The following HTR2C variants were observed in gnomAD, a reference collection of about 807,000 sequenced individuals.
HTR2C encodes 5-hydroxytryptamine (serotonin) receptor 2C, G protein-coupled.
HTR2C carries 5 observed loss-of-function variants against 21.0 expected under a neutral mutation model. The ratio of observed to expected loss-of-function variants is 0.24; its 90% CI spans 0.12 to 0.50. HTR2C has a LOEUF of 0.50. HTR2C is among the 20% of genes least tolerant of loss of function. The pLI is 0.98. For missense variants in HTR2C, 271 were observed against 371.2 expected (o/e 0.73, Z 2.22); for synonymous variants, 150 against 145.3 (o/e 1.03, Z -0.23).
At chrX:114,663,593 T>C (rs992316814) in intron 2 of HTR2C, among the ~76,000 whole-genome samples, 1 of 111,741 alleles carries the variant, frequency 8.9e-6, no homozygotes, top group Admixed American at 9.5e-5. Flanking sequence ...ACTTTTGTTT[T>C]TGGTGGATTG....
chrX:114,716,224 A>T (rs1312985480), intron 2 of HTR2C, among the ~76,000 whole-genome samples: 4 of 113,034 alleles, frequency 3.5e-5, no homozygotes, highest in Non-Finnish European at 7.5e-5. Flanking sequence ...TGTTACTACC[A>T]TCATAGAGTG....
chrX:114,748,762 AT>A, intron 4 of HTR2C, among the ~76,000 whole-genome samples: 1 of 112,239 alleles, frequency 8.9e-6, no homozygotes, highest in African/African-American at 3.2e-5. Flanking sequence ...TAAATTTAAA[AT>A]GCAAAACTAC....
chrX:114,703,479 G>A (rs1445765226), intron 2 of HTR2C, among the ~76,000 whole-genome samples: 1 of 110,776 alleles, frequency 9.0e-6, no homozygotes, highest in Non-Finnish European at 1.9e-5. Context: ...ATAAGGAAAT[G>A]AAGGCAGACA....
chrX:114,740,263 A>G (rs1401316322), intron 4 of HTR2C, among the ~76,000 whole-genome samples: 1 of 110,079 alleles, frequency 9.1e-6, no homozygotes, highest in Non-Finnish European at 1.9e-5. Flanking sequence ...AAATGACACC[A>G]TGATACCATT....
rs372094570 is a variant in HTR2C, at chrX:114,691,583, T to C, written c.-79-35275T>C. On this transcript the variant is annotated intron_variant, in intron 2 of 5. Coordinates refer to ENST00000276198, the MANE Select transcript of HTR2C (RefSeq NM_000868.4). ...TTAATTCTGTGTATATTCTCTACAA[T>C]GTCTTAACTACTCAATAGTTTCTTC... 2.8e-4 allele frequency among the ~76,000 whole-genome samples: 31 copies of C among 111,994 alleles called. No individual in the cohort carries two copies. In the East Asian group the frequency reaches 6.7e-3, roughly 24 times the overall value.
intron 1 of HTR2C, among the ~76,000 whole-genome samples, chrX:114,603,500 GA>G (rs1305807458): frequency 1.3e-4 from 14 of 106,256 alleles, no homozygotes. Context: ...CCATGCCTAG[GA>G]AGGAAAGGAG....
chrX:114,807,308 A>ATATATATACCATGTATATACG, intron 4 of HTR2C, among the ~76,000 whole-genome samples: 1 of 80,165 alleles, frequency 1.2e-5, no homozygotes, highest in African/African-American at 5.0e-5. Flanking sequence ...ATGTATATAC[A>ATATATATACCATGTATATACG]CCATATATCT....
At chrX:114,886,514 T>C (rs1556481529) in intron 5 of HTR2C, among the ~76,000 whole-genome samples, 2 of 110,819 alleles carry the variant, frequency 1.8e-5, no homozygotes, top group Non-Finnish European at 1.9e-5. Flanking sequence ...GTTATTTCTT[T>C]AGTGGCAACT....
At chrX:114,634,382 A>AGT (rs1402186189) in intron 2 of HTR2C, among the ~76,000 whole-genome samples, 3 of 111,988 alleles carry the variant, frequency 2.7e-5, no homozygotes, top group Non-Finnish European at 5.6e-5. Flanking sequence ...CAAGACAATA[A>AGT]GTGAAAATTT....
intron 4 of HTR2C, among the ~76,000 whole-genome samples, chrX:114,808,740 T>C (rs2070503265): frequency 8.9e-6 from 1 of 111,976 alleles, no homozygotes; most frequent in Non-Finnish European, 1.9e-5. Flanking sequence ...CCTTTTTGTA[T>C]GACTGTTTGC....
intron 2 of HTR2C, among the ~76,000 whole-genome samples, chrX:114,702,685 G>A (rs1239229321): frequency 9.1e-6 from 1 of 110,166 alleles, no homozygotes; most frequent in African/African-American, 3.3e-5. Flanking sequence ...ACATCATAAT[G>A]ATGGGATCAA....
intron 2 of HTR2C, among the ~76,000 whole-genome samples, chrX:114,685,187 A>C (rs1381964716): frequency 7.2e-5 from 8 of 111,792 alleles, no homozygotes; most frequent in African/African-American, 2.6e-4. Flanking sequence ...AATAAATTCC[A>C]CTATAATGTA....
At chrX:114,771,625 G>A (rs187013389) in intron 4 of HTR2C, among the ~76,000 whole-genome samples, 1 of 111,976 alleles carries the variant, frequency 8.9e-6, no homozygotes, top group Admixed American at 9.5e-5. Context: ...CATTTGTGCA[G>A]CCTTTTAGAT....
intron 2 of HTR2C, among the ~76,000 whole-genome samples, chrX:114,635,418 T>G (rs1929804009): frequency 8.9e-6 from 1 of 111,865 alleles, no homozygotes. Flanking sequence ...AAGACGAATA[T>G]GGTCTACAGC....
chrX:114,784,807 G>C (rs1339724613), intron 4 of HTR2C, among the ~76,000 whole-genome samples: 1 of 109,780 alleles, frequency 9.1e-6, no homozygotes, highest in African/African-American at 3.3e-5. Context: ...TTTTAGTAGA[G>C]ACGGGGTTTC....
At chrX:114,702,665 TA>T (rs1371482021) in intron 2 of HTR2C, among the ~76,000 whole-genome samples, 6 of 110,399 alleles carry the variant, frequency 5.4e-5, no homozygotes, top group African/African-American at 2.0e-4. Flanking sequence ...ATGAGCAAAA[TA>T]ACCAGCTAAC....
At chrX:114,622,981 G>T (rs782263081) in intron 2 of HTR2C, among the ~76,000 whole-genome samples, 5 of 111,100 alleles carry the variant, frequency 4.5e-5, no homozygotes, top group African/African-American at 6.6e-5. Context: ...AGTTAGAAAG[G>T]GTAGCAAATA....
intron 2 of HTR2C, among the ~76,000 whole-genome samples, chrX:114,644,133 A>C (rs781947002): frequency 3.3e-3 from 354 of 107,302 alleles, no homozygotes; most frequent in African/African-American, 0.011. Flanking sequence ...ACTTGAGGTC[A>C]GGAGTTCGAG....
At chrX:114,875,743 T>C (rs1468986112) in intron 5 of HTR2C, among the ~76,000 whole-genome samples, 3 of 111,174 alleles carry the variant, frequency 2.7e-5, no homozygotes, top group African/African-American at 9.8e-5. Flanking sequence ...TTCTGTTCTG[T>C]TCCATTGGCC....
Sources: allele counts gnomAD v4.1 joint callset (sites outside exome capture counted in the v4.1 genomes callset), GRCh38; gene constraint gnomAD v4.1.1; transcripts MANE v1.5; gene names NCBI Gene and HGNC (gene_info 2026-07-23, HGNC 2026-07-21).